Variants in NRG3 observed in about 807,000 individuals in gnomAD.
NRG3 encodes the protein neuregulin 3.
A neutral mutation model predicts 66.9 loss-of-function variants in NRG3; 31 were observed. The ratio of observed to expected loss-of-function variants is 0.46; its 90% CI spans 0.35 to 0.63. The LOEUF is 0.63. NRG3 is among the 20% of genes least tolerant of loss of function. The pLI is 0.00. For synonymous variants in NRG3, 393 were observed against 359.4 expected (o/e 1.09, Z -1.06); for missense variants, 910 against 878.9 (o/e 1.04, Z -0.45).
chr10:82,448,244 G>A (rs1248478870), intron 2 of NRG3, among the ~76,000 whole-genome samples: 2 of 152,128 alleles, frequency 1.3e-5, no homozygotes, highest in Non-Finnish European at 2.9e-5. Flanking sequence ...TTCTGGAGAG[G>A]AATGTCAAAT....
chr10:82,553,920 C>T (rs1443082759), intron 2 of NRG3, among the ~76,000 whole-genome samples: 1 of 152,096 alleles, frequency 6.6e-6, no homozygotes, highest in Non-Finnish European at 1.5e-5. Context: ...GTTCACAAGA[C>T]AGTTATGATA....
At chr10:82,974,640 G>A (rs1852076643) in intron 7 of NRG3, among the ~76,000 whole-genome samples, 1 of 152,140 alleles carries the variant, frequency 6.6e-6, no homozygotes, top group Non-Finnish European at 1.5e-5. Flanking sequence ...GTTGTCCGAA[G>A]ACTTAAGCTT....
chr10:82,005,435 A>G (rs2061342799), intron 1 of NRG3, among the ~76,000 whole-genome samples: 1 of 152,312 alleles, frequency 6.6e-6, no homozygotes. Flanking sequence ...TAGTCTCTCA[A>G]TGAGAAGTGA....
At chr10:82,915,553 C>A (rs2132011283) in intron 4 of NRG3, among the ~76,000 whole-genome samples, 1 of 152,142 alleles carries the variant, frequency 6.6e-6, no homozygotes, top group African/African-American at 2.4e-5. Flanking sequence ...TGCATATTCC[C>A]TTAAGAATTT....
chr10:82,391,073 C>A (rs1403631599), intron 2 of NRG3, among the ~76,000 whole-genome samples: 3 of 152,142 alleles, frequency 2.0e-5, no homozygotes, highest in Admixed American at 1.3e-4. Context: ...GCTTTTGGCT[C>A]AAGTGACAAA....
chr10:82,122,758 G>A (rs77652325), intron 1 of NRG3, among the ~76,000 whole-genome samples: 2,615 of 152,232 alleles, frequency 0.017, 82 homozygotes, highest in African/African-American at 0.059. Context: ...CTTGCCATGT[G>A]TTATGTGTGT....
intron 1 of NRG3, among the ~76,000 whole-genome samples, chr10:82,324,972 T>C (rs1199200724): frequency 6.6e-6 from 1 of 152,198 alleles, no homozygotes; most frequent in African/African-American, 2.4e-5. Flanking sequence ...TTTGCTATCT[T>C]CTTGACTGTC....
At chr10:82,624,130 G>A (rs544585140) in intron 2 of NRG3, among the ~76,000 whole-genome samples, 2 of 152,190 alleles carry the variant, frequency 1.3e-5, no homozygotes, top group East Asian at 1.9e-4. Flanking sequence ...AGTGGCACAC[G>A]TTTACTGCAT....
chr10:82,220,352 G>A (rs2075883200), intron 1 of NRG3, among the ~76,000 whole-genome samples: 1 of 152,136 alleles, frequency 6.6e-6, no homozygotes. Context: ...TCAAATCCAA[G>A]CACATGGATT....
chr10:82,553,447 A>G (rs193233790), intron 2 of NRG3, among the ~76,000 whole-genome samples: 26 of 152,224 alleles, frequency 1.7e-4, no homozygotes, highest in Admixed American at 1.5e-3. Flanking sequence ...CAGTGCATCC[A>G]TGATCATTGT....
At chr10:82,856,453 AG>A (rs1016414037) in intron 3 of NRG3, among the ~76,000 whole-genome samples, 1 of 152,086 alleles carries the variant, frequency 6.6e-6, no homozygotes, top group Non-Finnish European at 1.5e-5. Flanking sequence ...ATTAGATAAA[AG>A]GATATGTGGG....
chr10:81,963,110 T>A (rs998374077), intron 1 of NRG3, among the ~76,000 whole-genome samples: 15 of 149,222 alleles, frequency 1.0e-4, no homozygotes, highest in African/African-American at 3.2e-4. Flanking sequence ...GAAAATATGA[T>A]CTGCCACGAG....
chr10:82,056,781 C>T (rs1364775612), intron 1 of NRG3, among the ~76,000 whole-genome samples: 1 of 152,138 alleles, frequency 6.6e-6, no homozygotes, highest in African/African-American at 2.4e-5. Context: ...CAATTATGTT[C>T]TCTTAGCATT....
chr10:82,966,518 T>A (rs916673959), intron 6 of NRG3, among the ~76,000 whole-genome samples: 1 of 152,190 alleles, frequency 6.6e-6, no homozygotes, highest in Non-Finnish European at 1.5e-5. Context: ...TACCTTATCA[T>A]CTGTCTGAGG....
chr10:82,528,934 T>C (rs1846988580), intron 2 of NRG3, among the ~76,000 whole-genome samples: 2 of 152,288 alleles, frequency 1.3e-5, no homozygotes, highest in South Asian at 4.1e-4. Flanking sequence ...CCTCGCATCC[T>C]GTCTAGTTTA....
chr10:82,448,704 G>T (rs2090868602), intron 2 of NRG3, among the ~76,000 whole-genome samples: 1 of 152,000 alleles, frequency 6.6e-6, no homozygotes, highest in Non-Finnish European at 1.5e-5. Context: ...TATTGATAAT[G>T]ATTTTATAAA....
intron 2 of NRG3, among the ~76,000 whole-genome samples, chr10:82,669,464 A>C (rs17100465): frequency 0.017 from 2,630 of 152,136 alleles, 30 homozygotes; most frequent in South Asian, 0.051. Context: ...ACCCAAACTT[A>C]CTACCAATTA....
intron 1 of NRG3, among the ~76,000 whole-genome samples, chr10:82,349,918 TCGGCTCGCGCACGGTGCGCGCAC>T (rs1240220401): frequency 6.6e-6 from 1 of 152,138 alleles, no homozygotes; most frequent in Non-Finnish European, 1.5e-5. Context: ...TCGCCCTGCT[TCGGCTCGCGCACGGTGCGCGCAC>T]CCACTGACCT....
intron 1 of NRG3, among the ~76,000 whole-genome samples, chr10:81,934,524 A>C (rs1847684216): frequency 6.6e-6 from 1 of 152,174 alleles, no homozygotes; most frequent in Admixed American, 6.5e-5. Context: ...ATTTTATTGG[A>C]GACACTGTAC....
Sources: gnomAD v4.1 joint callset for allele counts (sites outside exome capture counted in the v4.1 genomes callset) on GRCh38, gnomAD v4.1.1 for gene constraint, MANE v1.5 for transcripts, NCBI Gene and HGNC (gene_info 2026-07-23, HGNC 2026-07-21) for gene names.